Variants in ITGB6 observed in about 807,000 individuals in gnomAD.
ITGB6 encodes integrin beta-6.
ITGB6 carries 80 observed loss-of-function variants against 84.5 expected under a neutral mutation model. That is an observed-to-expected ratio of 0.95 (90% CI 0.79 to 1.14). The LOEUF (loss-of-function observed/expected upper bound fraction) is 1.14, where lower values mean the gene tolerates loss of function less well. Ranked by LOEUF, ITGB6 falls within the 50% of genes most tolerant of loss-of-function variation. The pLI, the probability that ITGB6 is intolerant of heterozygous loss-of-function variation, is 0.00. For synonymous variants in ITGB6, 383 were observed against 354.9 expected (o/e 1.08, Z -0.89); for missense variants, 1,006 against 968.0 (o/e 1.04, Z -0.52).
chr2:160,149,380 A>T (rs1390863027), intron 7 of ITGB6, among the ~76,000 whole-genome samples: 1 of 152,232 alleles, frequency 6.6e-6, no homozygotes, highest in Non-Finnish European at 1.5e-5. Context: ...GTTAGAAGGA[A>T]AACTAACAAA....
chr2:160,179,943 C>CAA (rs60463723), intron 4 of ITGB6, among the ~76,000 whole-genome samples: 128 of 103,000 alleles, frequency 1.2e-3, no homozygotes, highest in Non-Finnish European at 2.1e-3. Context: ...ACTAAAAATA[C>CAA]AAAAAAAAAA....
rs1224311976 is a variant in ITGB6 at position 160,161,830 on chromosome 2, T to G, written c.1017+7382A>C. Among the ~76,000 whole-genome samples, 3 of 152,290 alleles carry G rather than the reference T, an allele frequency of 2.0e-5. No homozygotes were observed. In the East Asian group the frequency reaches 5.8e-4, roughly 29 times the overall value. ...TGATACAACTACTTCGGAAAGCAAC[T>G]TGGACAAACTCAGTAAAATTATAGA... On this transcript the variant is annotated intron_variant, in intron 7 of 14. Transcript: ENST00000283249.
At chr2:160,199,854 T>A in intron 1 of ITGB6, 149 bp downstream of exon 1, 1 of 635,206 alleles carries the variant, frequency 1.6e-6, no homozygotes, top group South Asian at 2.0e-5. Flanking sequence ...GCCCGGTGTT[T>A]GTCTGTAATT....
rs777895050 is a variant in ITGB6, at chr2:160,126,563, T to A, written c.1699A>T (p.Ser567Cys). Reference protein sequence around the residue: ...DCDCGECVCRSGWTGEYCNCT... With the variant: ...DCDCGECVCRCGWTGEYCNCT... ...TTGCAGTACTCGCCAGTCCAGCCGCTCCTGCACACACATTCACCACAGTCA... is the reference window on the plus strand; with the variant it reads ...TTGCAGTACTCGCCAGTCCAGCCGCACCTGCACACACATTCACCACAGTCA... Residue 567 changes from serine to cysteine, a missense_variant, in exon 11 of 15, where the codon AGC becomes TGC. Transcript: ENST00000283249. 6.8e-6 allele frequency: 11 copies of A among 1,613,878 alleles called. No individual in the cohort carries two copies. The Admixed American group carries it at 1.8e-4, about 27-fold the overall frequency.
At chr2:160,122,370 T>G (rs1233605786) in intron 12 of ITGB6, among the ~76,000 whole-genome samples, 74 of 152,224 alleles carry the variant, frequency 4.9e-4, no homozygotes, top group Admixed American at 4.8e-3. Flanking sequence ...TTTGCATGTA[T>G]GTAAGGTTTA....
rs939935672 is a variant in ITGB6, at chr2:160,131,884, A to G, written c.1661-5283T>C. 1.6e-4 allele frequency among the ~76,000 whole-genome samples: 25 copies of G among 152,238 alleles called. 1 individual carries two copies. Among genetic ancestry groups the G allele is most frequent in the African/African-American group, 6.0e-4 (25 of 41,558 alleles). ...CTTTTTTAGTTTATTTCTGTTCCTCATGCATGGTAAAAAATAAAGCGAAAG... is the reference window on the plus strand; with the variant it reads ...CTTTTTTAGTTTATTTCTGTTCCTCGTGCATGGTAAAAAATAAAGCGAAAG... On this transcript the variant is annotated intron_variant, in intron 10 of 14. Coordinates refer to ENST00000283249, the MANE Select transcript of ITGB6 (RefSeq NM_000888.5).
At chr2:160,130,034 A>G (rs1273603578) in intron 10 of ITGB6, among the ~76,000 whole-genome samples, 1 of 152,040 alleles carries the variant, frequency 6.6e-6, no homozygotes, top group Non-Finnish European at 1.5e-5. Flanking sequence ...TCATTGTGTA[A>G]ACACCATAGA....
At position 160,107,795 on chromosome 2, in the gene ITGB6, C is replaced by T. The variant is rs979599332; in HGVS notation, c.2152G>A (p.Ala718Thr). ...IPMIMLGVSL[A>T]ILLIGVVLLC... ...AGGACAACCCCGATGAGAAGAATAG[C>T]CAGGGAAACCCCTAACATGATCATG... is the stretch of plus-strand genomic sequence containing the variant. The change falls in exon 14 of 15, where the codon GCT becomes ACT. Residue 718 changes from alanine to threonine, a missense_variant. Coordinates refer to ENST00000283249, the MANE Select transcript of ITGB6 (RefSeq NM_000888.5). 1.2e-6 allele frequency: 2 copies of T among 1,613,704 alleles called. No individual in the cohort carries two copies. The highest frequency in any genetic ancestry group is 2.7e-5 in the African/African-American group (2 of 74,904).
intron 7 of ITGB6, among the ~76,000 whole-genome samples, chr2:160,158,265 C>G (rs1204553769): frequency 1.3e-5 from 2 of 152,178 alleles, no homozygotes; most frequent in East Asian, 3.8e-4. Context: ...TTGAGCACTA[C>G]CTGTCTTTCT....
chr2:160,178,451 G>T (rs1284089188), intron 4 of ITGB6, among the ~76,000 whole-genome samples: 2 of 152,178 alleles, frequency 1.3e-5, no homozygotes, highest in Admixed American at 1.3e-4. Flanking sequence ...TTTTGTGAGA[G>T]ATTTGCATCT....
chr2:160,155,774 A>G (rs1330640238), intron 7 of ITGB6, among the ~76,000 whole-genome samples: 7 of 152,228 alleles, frequency 4.6e-5, no homozygotes, highest in African/African-American at 2.4e-5. Context: ...CATATCAACA[A>G]GAAGAAGACA....
At chr2:160,194,878 T>C (rs1308399577) in intron 4 of ITGB6, among the ~76,000 whole-genome samples, 1 of 151,960 alleles carries the variant, frequency 6.6e-6, no homozygotes, top group Non-Finnish European at 1.5e-5. Flanking sequence ...ATTGGCCTTC[T>C]CCAAGCAATA....
chr2:160,144,683 T>G (rs1684127196), intron 7 of ITGB6, among the ~76,000 whole-genome samples: 2 of 152,246 alleles, frequency 1.3e-5, no homozygotes, highest in Admixed American at 6.5e-5. Context: ...ACAGATATAT[T>G]CTGCAAGCAC....
chr2:160,200,126 A>G lies in ITGB6; in HGVS notation c.-63T>C. On this transcript the variant is annotated 5_prime_UTR_variant, in exon 1 of 15. Transcript: ENST00000283249. ...GAATTACCTTCAGCGTTACAAGACCAACGCTGAATATCGTTAAAGTCTTTC... is the reference window on the plus strand; with the variant it reads ...GAATTACCTTCAGCGTTACAAGACCGACGCTGAATATCGTTAAAGTCTTTC... 8.0e-7 allele frequency: 1 copy of G among 1,248,882 alleles called. No individual in the cohort carries two copies. The highest frequency in any genetic ancestry group is 1.9e-4 in the Middle Eastern group (1 of 5,366). The allele number at this position is 1,248,882 out of a possible 1,614,324, so 77.4% of individuals were successfully genotyped here. A position where few individuals can be genotyped will look rare whatever the true frequency, so the allele number is the denominator to read the frequency against.
intron 4 of ITGB6, among the ~76,000 whole-genome samples, chr2:160,182,226 A>G (rs1323442060): frequency 6.6e-6 from 1 of 152,312 alleles, no homozygotes; most frequent in East Asian, 1.9e-4. Flanking sequence ...AACCCAATGC[A>G]AGGAAGCTAA....
rs113943178 is a variant in ITGB6, at chr2:160,151,354, A to G, written c.1018-9283T>C. Among the ~76,000 whole-genome samples, 1,329 of 152,326 alleles carry G rather than the reference A, an allele frequency of 8.7e-3. 27 individuals are homozygous for G. Among genetic ancestry groups the G allele is most frequent in the African/African-American group, 0.031 (1,283 of 41,566 alleles). On this transcript the variant is annotated intron_variant, in intron 7 of 14. Coordinates refer to ENST00000283249, the MANE Select transcript of ITGB6 (RefSeq NM_000888.5). Reference sequence around the variant, plus strand: ...TTGCTCCTGAATGACTACTGGGTACATAACAAAATGAAGGCAGAAATAAAG... The same window carrying G: ...TTGCTCCTGAATGACTACTGGGTACGTAACAAAATGAAGGCAGAAATAAAG...
chr2:160,135,413 C>G (rs35442713), intron 10 of ITGB6, among the ~76,000 whole-genome samples: 79,287 of 134,308 alleles, frequency 0.59, 20,322 homozygotes, highest in Admixed American at 0.63. Flanking sequence ...AGGATACAAA[C>G]AAATGGAAGA....
intron 4 of ITGB6, among the ~76,000 whole-genome samples, chr2:160,186,255 G>T (rs1167633614): frequency 2.6e-5 from 3 of 114,654 alleles, no homozygotes; most frequent in South Asian, 2.7e-4. Flanking sequence ...AATCTACAAA[G>T]AACTTAAACA....
intron 7 of ITGB6, among the ~76,000 whole-genome samples, chr2:160,165,388 A>G (rs1684965438): frequency 6.6e-6 from 1 of 152,230 alleles, no homozygotes; most frequent in African/African-American, 2.4e-5. Context: ...AGATAAAGAG[A>G]TTTCCACTGG....
Sources: gnomAD v4.1 joint callset for allele counts (sites outside exome capture counted in the v4.1 genomes callset) on GRCh38, gnomAD v4.1.1 for gene constraint, MANE v1.5 for transcripts, NCBI Gene and HGNC (gene_info 2026-07-23, HGNC 2026-07-21) for gene names.